RAPGEF2: variants seen among roughly 807,000 people sequenced by gnomAD.
RAPGEF2 encodes the protein Rap guanine nucleotide exchange factor 2, also known as PDZ domain containing guanine nucleotide exchange factor (GEF) 1.
Under a neutral mutation model 186.7 loss-of-function variants are expected in RAPGEF2, and 54 were observed. The observed-to-expected ratio is 0.29, with a 90% CI of 0.23 to 0.36. RAPGEF2 has a LOEUF of 0.36. RAPGEF2 is among the 10% of genes least tolerant of loss of function. The pLI, the probability that RAPGEF2 is intolerant of heterozygous loss-of-function variation, is 1.00. For synonymous variants in RAPGEF2, 712 were observed against 705.9 expected, an observed-to-expected ratio of 1.01 and a Z score of -0.14; for missense variants, 1,532 against 2,045.0, an observed-to-expected ratio of 0.75 and a Z score of 4.84.
intron 1 of RAPGEF2, among the ~76,000 whole-genome samples, chr4:159,149,206 T>G (rs1276616957): frequency 6.6e-6 from 1 of 152,222 alleles, no homozygotes; most frequent in Non-Finnish European, 1.5e-5. Context: ...AAACTGGCAC[T>G]TAAAACTATT....
At position 159,238,098 on chromosome 4, in the gene RAPGEF2, A is replaced by G. The variant is rs146535797; in HGVS notation, c.282-711A>G. On this transcript the variant is annotated intron_variant, in intron 4 of 29. Coordinates refer to ENST00000691494, the MANE Select transcript of RAPGEF2 (RefSeq NM_001394067.2). ...ATATTAACAAAAAGAGCTTCACCCA[A>G]ATTCTCTGTTCTTAATTCTAGTTTG... 1.3e-4 allele frequency among the ~76,000 whole-genome samples: 20 copies of G among 152,214 alleles called. No individual in the cohort carries two copies. In the East Asian group the frequency reaches 2.5e-3, roughly 19 times the overall value.
chr4:159,223,040 G>A (rs1213720822), intron 4 of RAPGEF2, among the ~76,000 whole-genome samples: 1 of 151,860 alleles, frequency 6.6e-6, no homozygotes, highest in Admixed American at 6.6e-5. Flanking sequence ...GACAGTACTC[G>A]TTGAAATAAT....
chr4:159,212,315 TAAAAG>T lies in RAPGEF2; in HGVS notation c.281+1735_281+1739del, dbSNP rs573615430. Among the ~76,000 whole-genome samples, 147 of 152,322 alleles carry T rather than the reference TAAAAG, an allele frequency of 9.7e-4. 1 individual carries two copies. Among genetic ancestry groups the T allele is most frequent in the Non-Finnish European group, 1.1e-3 (73 of 68,024 alleles). ...TTATGTCTGACTCTATTTCTGAACT[TAAAAG>T]AAGGTGCTGGCAAATGGTATTTAAG... On this transcript the variant is annotated intron_variant, in intron 4 of 29. Transcript: ENST00000691494.
intron 1 of RAPGEF2, among the ~76,000 whole-genome samples, chr4:159,173,461 C>G (rs1746127838): frequency 6.6e-6 from 1 of 152,090 alleles, no homozygotes; most frequent in South Asian, 2.1e-4. Context: ...TGTGCAGACT[C>G]TATGGCCCTT....
At chr4:159,323,680 G>T in intron 11 of RAPGEF2, 63 bp downstream of exon 11, 1 of 1,003,620 alleles carries the variant, frequency 1.0e-6, no homozygotes. Flanking sequence ...ATATGCCATT[G>T]TGATGAGATT....
intron 25 of RAPGEF2, among the ~76,000 whole-genome samples, chr4:159,348,238 AGATAGATGGATG>A (rs1344642519): frequency 6.3e-4 from 79 of 126,006 alleles, no homozygotes; most frequent in South Asian, 8.4e-4. Flanking sequence ...ATAGATAGAT[AGATAGATGGATG>A]GATGGATGGA....
intron 4 of RAPGEF2, among the ~76,000 whole-genome samples, chr4:159,232,202 C>T (rs1167380617): frequency 6.6e-6 from 1 of 152,180 alleles, no homozygotes; most frequent in African/African-American, 2.4e-5. Flanking sequence ...ATTACATTCA[C>T]ACTGTTGTGC....
At position 159,341,918 on chromosome 4, in the gene RAPGEF2, G is replaced by T; in HGVS notation, c.2889G>T (p.Lys963Asn). Residue 963 changes from lysine to asparagine, a missense_variant, in exon 20 of 30, where the codon AAG becomes AAT. Coordinates refer to ENST00000691494, the MANE Select transcript of RAPGEF2 (RefSeq NM_001394067.2). The part of the protein sequence containing the change: ...IKIALHCREC[K>N]NFNSMFAIIS... ...TAGCACTGCACTGTAGGGAATGCAA[G>T]AATTTTAACTCAATGTTTGCAATCA... 1 of 1,597,682 alleles carries T rather than the reference G, an allele frequency of 6.3e-7. No homozygotes were observed. The highest frequency in any genetic ancestry group is 8.5e-7 in the Non-Finnish European group (1 of 1,173,760).
In RAPGEF2 at chr4:159,295,701, AAG is replaced by A. The variant is rs547588809; in HGVS notation, c.544-8630_544-8629del. On this transcript the variant is annotated intron_variant, in intron 7 of 29. Transcript: ENST00000691494. ...AGTGATAGAATTAGTTGACTAGCAT[AAG>A]AGAGAGAGAGTGTGTGAGTGTGTGT... 5.3e-4 allele frequency among the ~76,000 whole-genome samples: 77 copies of A among 145,528 alleles called. No individual in the cohort carries two copies. In the East Asian group the frequency reaches 8.5e-3, roughly 16 times the overall value.
chr4:159,262,454 A>T (rs1756982366), intron 7 of RAPGEF2, among the ~76,000 whole-genome samples: 1 of 152,226 alleles, frequency 6.6e-6, no homozygotes, highest in Non-Finnish European at 1.5e-5. Context: ...GAAATAATTC[A>T]CAACCACTGT....
chr4:159,191,353 G>C (rs932099429), intron 2 of RAPGEF2, among the ~76,000 whole-genome samples: 1 of 152,124 alleles, frequency 6.6e-6, no homozygotes, highest in African/African-American at 2.4e-5. Flanking sequence ...ATAACAAGTT[G>C]GATGCTGATT....
chr4:159,131,723 C>T (rs1028825309), intron 1 of RAPGEF2, among the ~76,000 whole-genome samples: 3 of 151,368 alleles, frequency 2.0e-5, no homozygotes, highest in Non-Finnish European at 4.4e-5. Flanking sequence ...GGAAAGTTAT[C>T]GGGTTTTCTC....
At chr4:159,218,026 A>G (rs1157233997) in intron 4 of RAPGEF2, among the ~76,000 whole-genome samples, 1 of 152,266 alleles carries the variant, frequency 6.6e-6, no homozygotes, top group African/African-American at 2.4e-5. Context: ...GAAAGAGTAC[A>G]CATTTGTTAT....
intron 7 of RAPGEF2, among the ~76,000 whole-genome samples, chr4:159,270,076 G>A (rs1757929781): frequency 6.6e-6 from 1 of 152,144 alleles, no homozygotes; most frequent in Non-Finnish European, 1.5e-5. Context: ...TTTGGATCAA[G>A]CAATTTATAG....
intron 3 of RAPGEF2, among the ~76,000 whole-genome samples, chr4:159,200,886 T>A (rs1430871399): frequency 6.6e-6 from 1 of 152,158 alleles, no homozygotes; most frequent in Non-Finnish European, 1.5e-5. Context: ...ATTGTGGGAA[T>A]TTATATATAA....
intron 4 of RAPGEF2, among the ~76,000 whole-genome samples, chr4:159,219,512 C>T (rs565610221): frequency 1.1e-3 from 171 of 151,930 alleles, no homozygotes; most frequent in Middle Eastern, 3.4e-3. Context: ...CCCGCCACCA[C>T]GTCCGGATAA....
Position 159,136,585 on chromosome 4 carries a change from A to G in RAPGEF2, c.69+32354A>G, listed in dbSNP as rs192299943. Among the ~76,000 whole-genome samples the G allele has an allele frequency of 7.9e-5, 12 of 152,316 alleles. No individual in the cohort carries two copies. The East Asian group carries it at 2.1e-3, about 27-fold the overall frequency. On this transcript the variant is annotated intron_variant, in intron 1 of 29. Coordinates refer to ENST00000691494, the MANE Select transcript of RAPGEF2 (RefSeq NM_001394067.2). ...TTTAACTCATATTTGACATCTATGTATAGGTAAATGTCTTTATTTTCTCTA... is the reference window on the plus strand; with the variant it reads ...TTTAACTCATATTTGACATCTATGTGTAGGTAAATGTCTTTATTTTCTCTA...
At chr4:159,126,080 A>G (rs1204606132) in intron 1 of RAPGEF2, among the ~76,000 whole-genome samples, 2 of 152,248 alleles carry the variant, frequency 1.3e-5, no homozygotes, top group Non-Finnish European at 2.9e-5. Context: ...CTACTTGGTC[A>G]AAAATAACTG....
intron 1 of RAPGEF2, among the ~76,000 whole-genome samples, chr4:159,159,204 C>T (rs1278934908): frequency 6.6e-6 from 1 of 152,176 alleles, no homozygotes; most frequent in East Asian, 1.9e-4. Context: ...CAGCCCCTTT[C>T]CTGGATCACG....
Sources: gnomAD v4.1 joint callset for allele counts (sites outside exome capture counted in the v4.1 genomes callset) on GRCh38, gnomAD v4.1.1 for gene constraint, MANE v1.5 for transcripts, NCBI Gene and HGNC (gene_info 2026-07-23, HGNC 2026-07-21) for gene names.